The following CSMD1 variants were observed in gnomAD, a reference collection of about 807,000 sequenced individuals.
CSMD1 encodes CUB and Sushi multiple domains 1.
A neutral mutation model predicts 417.5 loss-of-function variants in CSMD1; 213 were observed. That is an observed-to-expected ratio of 0.51 (90% CI 0.46 to 0.57). The LOEUF (loss-of-function observed/expected upper bound fraction) is 0.57, where lower values mean the gene tolerates loss of function less well. Among genes scored for constraint, CSMD1 ranks in the 20% least tolerant of loss-of-function variants. The probability of loss-of-function intolerance (pLI) is 0.00; values close to 1 mark genes in which losing one functional copy is unlikely to be tolerated. For synonymous variants in CSMD1, 2,862 were observed against 1,736.8 expected (o/e 1.65, Z -16.11); for missense variants, 6,923 against 4,529.7 (o/e 1.53, Z -15.17).
intron 5 of CSMD1, among the ~76,000 whole-genome samples, chr8:3,761,180 T>C (rs1220370696): frequency 6.6e-6 from 1 of 152,084 alleles, no homozygotes; most frequent in Non-Finnish European, 1.5e-5. Flanking sequence ...ATTTTGGACA[T>C]TAGGAAAAGC....
chr8:4,653,177 C>T (rs912668063), intron 1 of CSMD1, among the ~76,000 whole-genome samples: 4 of 152,038 alleles, frequency 2.6e-5, no homozygotes, highest in Admixed American at 6.5e-5. Flanking sequence ...GTTGAGTGAT[C>T]TGACTGGTCA....
At chr8:4,940,850 G>C (rs1228266475) in intron 1 of CSMD1, among the ~76,000 whole-genome samples, 1 of 152,094 alleles carries the variant, frequency 6.6e-6, no homozygotes, top group Non-Finnish European at 1.5e-5. Flanking sequence ...AAGGCTTAGA[G>C]GTCATGGTTA....
At chr8:4,641,775 C>A (rs763924880) in intron 1 of CSMD1, among the ~76,000 whole-genome samples, 1 of 152,114 alleles carries the variant, frequency 6.6e-6, no homozygotes, top group Non-Finnish European at 1.5e-5. Context: ...TGAGTAAATA[C>A]AGACATTCGG....
At chr8:3,097,481 A>G (rs1014975491) in intron 46 of CSMD1, among the ~76,000 whole-genome samples, 1 of 152,206 alleles carries the variant, frequency 6.6e-6, no homozygotes, top group Non-Finnish European at 1.5e-5. Context: ...CTGGGGATAC[A>G]TTCCAAGAGC....
chr8:3,491,981 T>C lies in CSMD1; in HGVS notation c.1448+1642A>G, dbSNP rs564811482. Among the ~76,000 whole-genome samples, 217 of 152,256 alleles carry C rather than the reference T, an allele frequency of 1.4e-3. 2 individuals carry two copies. The highest frequency in any genetic ancestry group is 2.2e-3 in the Admixed American group (34 of 15,302). On this transcript the variant is annotated intron_variant, in intron 11 of 69. Coordinates refer to ENST00000635120, the MANE Select transcript of CSMD1 (RefSeq NM_033225.6). ...GAGGTCCCGGCCTCCACCCAATTTA[T>C]TGGTTTACAAGCTCTTTGTTCTCAG...
chr8:4,694,757 G>C (rs1807006863), intron 1 of CSMD1, among the ~76,000 whole-genome samples: 1 of 152,084 alleles, frequency 6.6e-6, no homozygotes, highest in Non-Finnish European at 1.5e-5. Context: ...CATGTCATCA[G>C]GACTTCCTGA....
At chr8:3,023,263 T>C (rs1001622459) in intron 51 of CSMD1, among the ~76,000 whole-genome samples, 1 of 152,246 alleles carries the variant, frequency 6.6e-6, no homozygotes, top group Admixed American at 6.5e-5. Flanking sequence ...TCTTTGAATA[T>C]CTACAATATT....
chr8:4,965,450 T>G (rs1198429699), intron 1 of CSMD1, among the ~76,000 whole-genome samples: 1 of 152,204 alleles, frequency 6.6e-6, no homozygotes, highest in East Asian at 1.9e-4. Flanking sequence ...GTTGTCTCAG[T>G]GATAATGCAG....
chr8:4,977,357 G>A lies in CSMD1; in HGVS notation c.85+16975C>T, dbSNP rs550041350. ...TGAAAACGCAGCAGCACTTACCCCA[G>A]GCCCACTGAGCAGCTCTCCTCATGG... is the stretch of plus-strand genomic sequence containing the variant. On this transcript the variant is annotated intron_variant, in intron 1 of 69. Coordinates refer to ENST00000635120, the MANE Select transcript of CSMD1 (RefSeq NM_033225.6). Among the ~76,000 whole-genome samples, 8 of 152,264 alleles carry A rather than the reference G, an allele frequency of 5.3e-5. No individual in the cohort carries two copies. The East Asian group carries it at 7.7e-4, about 15-fold the overall frequency.
chr8:4,748,418 A>G (rs1811092134), intron 1 of CSMD1, among the ~76,000 whole-genome samples: 1 of 152,182 alleles, frequency 6.6e-6, no homozygotes, highest in African/African-American at 2.4e-5. Context: ...GTCACATTTT[A>G]TTTGCTGCTG....
At chr8:3,999,314 G>C (rs111685201) in intron 4 of CSMD1, among the ~76,000 whole-genome samples, 70 of 152,238 alleles carry the variant, frequency 4.6e-4, no homozygotes, top group African/African-American at 1.6e-3. Flanking sequence ...ACCGGCCTGA[G>C]CTCTTACAAA....
chr8:3,909,229 T>G (rs1350542418), intron 5 of CSMD1, among the ~76,000 whole-genome samples: 2 of 152,162 alleles, frequency 1.3e-5, no homozygotes, highest in Non-Finnish European at 2.9e-5. Flanking sequence ...CTCAACCTCG[T>G]CCTGGCTTGG....
chr8:3,740,237 C>T (rs951523111), intron 6 of CSMD1, among the ~76,000 whole-genome samples: 3 of 152,182 alleles, frequency 2.0e-5, no homozygotes, highest in African/African-American at 7.2e-5. Flanking sequence ...TCCCAAGTTG[C>T]TGACACTGCA....
At chr8:4,597,257 C>A (rs751047227) in intron 2 of CSMD1, among the ~76,000 whole-genome samples, 42 of 152,178 alleles carry the variant, frequency 2.8e-4, no homozygotes, top group Admixed American at 2.2e-3. Flanking sequence ...TTATCCCATG[C>A]CTTTGATTTC....
intron 5 of CSMD1, among the ~76,000 whole-genome samples, chr8:3,961,014 G>C (rs542275820): frequency 6.6e-6 from 1 of 151,912 alleles, no homozygotes; most frequent in African/African-American, 2.4e-5. Flanking sequence ...ATTATAAATT[G>C]TACAATTCCC....
intron 2 of CSMD1, among the ~76,000 whole-genome samples, chr8:4,604,427 T>G (rs953662294): frequency 3.2e-5 from 4 of 126,586 alleles, no homozygotes; most frequent in Admixed American, 3.1e-4. Flanking sequence ...GCGTAAAGAC[T>G]AGGATCTCCA....
At chr8:3,229,455 G>C (rs993374250) in intron 27 of CSMD1, among the ~76,000 whole-genome samples, 3 of 152,056 alleles carry the variant, frequency 2.0e-5, no homozygotes, top group Non-Finnish European at 2.9e-5. Context: ...GTGATAAATT[G>C]TCTCAGGTGG....
intron 2 of CSMD1, among the ~76,000 whole-genome samples, chr8:4,461,013 A>G (rs913774572): frequency 2.0e-5 from 3 of 152,210 alleles, no homozygotes; most frequent in Non-Finnish European, 4.4e-5. Context: ...AAAATGCTCA[A>G]AACAAATCAA....
chr8:4,533,748 A>C (rs1476147887), intron 2 of CSMD1, among the ~76,000 whole-genome samples: 1 of 152,084 alleles, frequency 6.6e-6, no homozygotes, highest in Non-Finnish European at 1.5e-5. Context: ...AATTAGCAAT[A>C]GTATTACAGT....
Sources: gnomAD v4.1 joint callset for allele counts (sites outside exome capture counted in the v4.1 genomes callset) on GRCh38, gnomAD v4.1.1 for gene constraint, MANE v1.5 for transcripts, NCBI Gene and HGNC (gene_info 2026-07-23, HGNC 2026-07-21) for gene names.